Variants in PAX5 observed in about 807,000 individuals in gnomAD.
PAX5 encodes the protein paired box 5, also known as paired box protein Pax-5.
In PAX5, 9 loss-of-function variants were observed where a neutral mutation model predicts 43.7. The ratio of observed to expected loss-of-function variants is 0.21; its 90% CI spans 0.12 to 0.36. The LOEUF (loss-of-function observed/expected upper bound fraction) is 0.36. PAX5 is among the 10% of genes least tolerant of loss of function. PAX5 has a pLI of 1.00. For missense variants in PAX5, 383 were observed against 532.7 expected (o/e 0.72, Z 2.77); for synonymous variants, 228 against 214.3 (o/e 1.06, Z -0.56).
chr9:36,877,039 T>C (rs1023577902), intron 8 of PAX5, among the ~76,000 whole-genome samples: 4 of 152,192 alleles, frequency 2.6e-5, no homozygotes, highest in African/African-American at 9.7e-5. Flanking sequence ...AAGCCTTCAC[T>C]TGGAAATGAA....
chr9:37,030,181 A>G (rs907916554), intron 1 of PAX5, among the ~76,000 whole-genome samples: 13 of 152,216 alleles, frequency 8.5e-5, no homozygotes, highest in Admixed American at 7.8e-4. Context: ...GTGCACCCAG[A>G]GCAGCCCCTT....
chr9:36,880,873 C>G (rs983168483), intron 8 of PAX5, among the ~76,000 whole-genome samples: 1 of 152,210 alleles, frequency 6.6e-6, no homozygotes, highest in African/African-American at 2.4e-5. Context: ...CCACTGTGCC[C>G]GGCCCAGTCT....
chr9:37,033,289 C>T (rs946641710), intron 1 of PAX5, among the ~76,000 whole-genome samples: 3 of 152,208 alleles, frequency 2.0e-5, no homozygotes, highest in Admixed American at 1.3e-4. Context: ...CTAAACACCA[C>T]GGATCTCCAT....
intron 6 of PAX5, among the ~76,000 whole-genome samples, chr9:36,936,050 A>C (rs2132034885): frequency 6.6e-6 from 1 of 152,350 alleles, no homozygotes; most frequent in South Asian, 2.1e-4. Flanking sequence ...GGCTCACTCT[A>C]AGTTCATTAG....
At position 36,836,555 on chromosome 9, in the gene PAX5, C is replaced by A. The variant is rs1821654532; in HGVS notation, c.*4005G>T. On this transcript the variant is annotated 3_prime_UTR_variant, in exon 10 of 10. Transcript: ENST00000358127. ...CATACTTGAATGCCACTCAGGGGGG[C>A]AGGCACACTTCTGGGCATCTCGGGC... The A allele has an allele frequency of 4.3e-6, 1 of 232,950 alleles. No individual in the cohort carries two copies. The highest frequency in any genetic ancestry group is 5.6e-5 in the Admixed American group (1 of 17,782). 14.4% of individuals were successfully genotyped at this position (232,950 alleles called of 1,614,324 possible).
intron 8 of PAX5, among the ~76,000 whole-genome samples, chr9:36,871,989 C>T (rs571351748): frequency 1.3e-5 from 2 of 152,328 alleles, no homozygotes; most frequent in South Asian, 4.1e-4. Flanking sequence ...CATCTCCATG[C>T]TCCCAAAAGG....
intron 6 of PAX5, among the ~76,000 whole-genome samples, chr9:36,953,898 C>A (rs1028604154): frequency 1.3e-5 from 2 of 152,058 alleles, no homozygotes; most frequent in African/African-American, 4.8e-5. Context: ...CATGGTGAAA[C>A]CTGGTCTCTA....
chr9:36,960,697 C>T (rs1316635749), intron 6 of PAX5, among the ~76,000 whole-genome samples: 1 of 152,214 alleles, frequency 6.6e-6, no homozygotes, highest in African/African-American at 2.4e-5. Context: ...AGTCACACCT[C>T]ATCTCTGCGT....
intron 5 of PAX5, among the ~76,000 whole-genome samples, chr9:36,993,348 A>C (rs1407864825): frequency 6.6e-6 from 1 of 152,222 alleles, no homozygotes; most frequent in East Asian, 1.9e-4. Context: ...AACCCTCATA[A>C]ACTAAAGCTC....
At chr9:37,014,756 T>G (rs2132468678) in intron 3 of PAX5, among the ~76,000 whole-genome samples, 1 of 152,160 alleles carries the variant, frequency 6.6e-6, no homozygotes, top group South Asian at 2.1e-4. Flanking sequence ...CAGAAGAAAC[T>G]CGAGCGGCCA....
intron 5 of PAX5, among the ~76,000 whole-genome samples, chr9:36,978,719 G>T (rs2132263778): frequency 6.6e-6 from 1 of 152,262 alleles, no homozygotes; most frequent in South Asian, 2.1e-4. Context: ...TATGGGTTTT[G>T]TCATAGATCA....
In PAX5 at chr9:36,836,237, A is replaced by T. The variant is rs1370461103; in HGVS notation, c.*4323T>A. 5 of 233,438 alleles carry T rather than the reference A, an allele frequency of 2.1e-5. No individual in the cohort carries two copies. Among genetic ancestry groups the T allele is most frequent in the Non-Finnish European group, 4.2e-5 (5 of 118,300 alleles). The allele number at this position is 233,438 out of a possible 1,614,324, so 14.5% of individuals were successfully genotyped here. A position where few individuals can be genotyped will look rare whatever the true frequency, so the allele number is the denominator to read the frequency against. On this transcript the variant is annotated 3_prime_UTR_variant, in exon 10 of 10. Coordinates refer to ENST00000358127, the MANE Select transcript of PAX5 (RefSeq NM_016734.3). ...CCCAATCCCGTCCCCAGCGCCTCTGACCTTCCACCCAACTCCATCTTCAAA... is the reference window on the plus strand; with the variant it reads ...CCCAATCCCGTCCCCAGCGCCTCTGTCCTTCCACCCAACTCCATCTTCAAA...
intron 7 of PAX5, among the ~76,000 whole-genome samples, chr9:36,914,826 G>A (rs1829601307): frequency 1.3e-5 from 2 of 152,184 alleles, no homozygotes; most frequent in Non-Finnish European, 2.9e-5. Flanking sequence ...AGCATCTGAT[G>A]TGTGTGTGTG....
chr9:36,836,956 G>T lies in PAX5; in HGVS notation c.*3604C>A, dbSNP rs1821686789. ...TGGATGAAACCTCAGAAGCACTGTT[G>T]TGGATTTGGTCAAAGACTCCGCAGG... On this transcript the variant is annotated 3_prime_UTR_variant, in exon 10 of 10. Transcript: ENST00000358127. The T allele has an allele frequency of 4.3e-6, 1 of 232,536 alleles. No homozygotes were observed. Among genetic ancestry groups the T allele is most frequent in the South Asian group, 1.8e-4 (1 of 5,520 alleles). 14.4% of individuals were successfully genotyped at this position (232,536 alleles called of 1,614,324 possible).
intron 5 of PAX5, among the ~76,000 whole-genome samples, chr9:36,997,933 G>C (rs977371640): frequency 2.0e-5 from 3 of 152,238 alleles, no homozygotes; most frequent in Non-Finnish European, 4.4e-5. Flanking sequence ...AGAAGCATTG[G>C]CCACCCAGGC....
chr9:36,865,990 C>T (rs1283278679), intron 8 of PAX5, among the ~76,000 whole-genome samples: 4 of 152,208 alleles, frequency 2.6e-5, no homozygotes, highest in South Asian at 4.1e-4. Flanking sequence ...CCTGCCCCAC[C>T]GGGAACCACT....
chr9:36,872,686 C>A (rs947684968), intron 8 of PAX5, among the ~76,000 whole-genome samples: 2 of 152,202 alleles, frequency 1.3e-5, no homozygotes, highest in Admixed American at 6.5e-5. Flanking sequence ...TCTCCTCACT[C>A]CCAGCATCAC....
chr9:36,869,324 A>C (rs1046592863), intron 8 of PAX5, among the ~76,000 whole-genome samples: 5 of 152,186 alleles, frequency 3.3e-5, no homozygotes, highest in Admixed American at 3.3e-4. Context: ...GCTCTGCCTG[A>C]AACACTCATC....
rs1220802801 is a variant in PAX5, at chr9:36,923,474, T to C, written c.791A>G (p.Tyr264Cys). 2 of 1,609,376 alleles carry C rather than the reference T, an allele frequency of 1.2e-6. No homozygotes were observed. The highest frequency in any genetic ancestry group is 1.1e-5 in the South Asian group (1 of 90,992). ...ACCAGCCAGCGAGGCCATGGCTGAA[T>C]ACTCTGTGGTCTGAAAGAAGAAACA... ...EPIKPEQTTE[Y>C]SAMASLAGGL... Residue 264 changes from tyrosine (Y) to cysteine (C), a missense_variant, in exon 7 of 10, where the codon TAT becomes TGT. By Grantham distance (194) the Tyr-to-Cys change is radical (BLOSUM62 -2). This residue lies in a region of PAX5 where 291 missense variants were observed against 342.5 expected (regional missense o/e 0.85). Transcript: ENST00000358127.
Sources: gnomAD v4.1 joint callset for allele counts (sites outside exome capture counted in the v4.1 genomes callset) on GRCh38, gnomAD v4.1.1 for gene constraint, gnomAD v4.1.1 regional missense constraint, MANE v1.5 for transcripts, NCBI Gene and HGNC (gene_info 2026-07-23, HGNC 2026-07-21) for gene names.